Variants in NRXN3 observed in about 807,000 individuals in gnomAD.
NRXN3 encodes the protein neurexin III.
A neutral mutation model predicts 137.6 loss-of-function variants in NRXN3; 32 were observed. The ratio of observed to expected loss-of-function variants is 0.23; its 90% CI spans 0.18 to 0.31. The LOEUF is 0.31. NRXN3 is among the 10% of genes least tolerant of loss of function. The probability of loss-of-function intolerance (pLI) is 1.00; values close to 1 mark genes in which losing one functional copy is unlikely to be tolerated. For missense variants in NRXN3, 1,574 were observed against 2,062.5 expected, an observed-to-expected ratio of 0.76 and a Z score of 4.59; for synonymous variants, 798 against 784.5, an observed-to-expected ratio of 1.02 and a Z score of -0.29.
intron 1 of NRXN3, among the ~76,000 whole-genome samples, chr14:78,238,975 A>G (rs987324): frequency 0.29 from 44,797 of 152,174 alleles, 7,154 homozygotes; most frequent in South Asian, 0.37. Context: ...GTCACTAAGC[A>G]TGTGCTGCTT....
At chr14:79,608,125 T>C (rs952400611) in intron 16 of NRXN3, among the ~76,000 whole-genome samples, 2 of 152,204 alleles carry the variant, frequency 1.3e-5, no homozygotes, top group East Asian at 3.9e-4. Flanking sequence ...CTTTTCAACA[T>C]AGTGCCTGTG....
At chr14:79,705,785 C>A (rs1301767700) in intron 19 of NRXN3, among the ~76,000 whole-genome samples, 5 of 152,150 alleles carry the variant, frequency 3.3e-5, no homozygotes, top group African/African-American at 9.7e-5. Flanking sequence ...ACTCTATCGC[C>A]TTTTCCTGTT....
chr14:79,573,082 G>A (rs2097625491), intron 16 of NRXN3: 1 of 152,160 alleles, frequency 6.6e-6, no homozygotes, highest in African/African-American at 2.4e-5. Flanking sequence ...CTTCTCCCCT[G>A]TGAGAAATTT....
At chr14:78,806,062 T>TTTTTTTTTTTC in intron 9 of NRXN3, among the ~76,000 whole-genome samples, 1 of 138,012 alleles carries the variant, frequency 7.2e-6, no homozygotes. Flanking sequence ...TTTTTTTTTT[T>TTTTTTTTTTTC]CCCCTTTGGC....
chr14:78,184,806 G>A (rs980532445), intron 1 of NRXN3, among the ~76,000 whole-genome samples: 1 of 152,228 alleles, frequency 6.6e-6, no homozygotes, highest in African/African-American at 2.4e-5. Flanking sequence ...CTGGGGAGCT[G>A]AACTAGGGAG....
intron 4 of NRXN3, among the ~76,000 whole-genome samples, chr14:78,550,807 C>T (rs1020250570): frequency 2.0e-5 from 3 of 152,096 alleles, no homozygotes; most frequent in African/African-American, 7.2e-5. Context: ...CCTCCCTGAG[C>T]CTAAGTATAA....
intron 1 of NRXN3, among the ~76,000 whole-genome samples, chr14:78,235,938 G>A (rs2066238327): frequency 6.6e-6 from 1 of 152,234 alleles, no homozygotes; most frequent in African/African-American, 2.4e-5. Flanking sequence ...GCAAAGCATG[G>A]TGGATATTTG....
Position 79,128,929 on chromosome 14 carries a change from T to C in NRXN3, c.3262+140788T>C, listed in dbSNP as rs537728802. On this transcript the variant is annotated intron_variant, in intron 15 of 20. Transcript: ENST00000335750. The stretch of plus-strand genomic sequence containing the variant: ...GGGAGAGTGTATGTGTCGAGGAATT[T>C]ATCCATTTCTTCTAGATTTTCTAGT... Among the ~76,000 whole-genome samples, 224 of 152,244 alleles carry C rather than the reference T, an allele frequency of 1.5e-3. 2 individuals are homozygous for C. Among genetic ancestry groups the C allele is most frequent in the African/African-American group, 5.2e-3 (217 of 41,554 alleles).
chr14:79,581,952 G>T (rs1280020433), intron 16 of NRXN3, among the ~76,000 whole-genome samples: 2 of 152,154 alleles, frequency 1.3e-5, no homozygotes, highest in Non-Finnish European at 2.9e-5. Flanking sequence ...TTGGGGAACA[G>T]GGTTTTACTC....
At chr14:79,555,898 TA>T (rs1362472421) in intron 16 of NRXN3, among the ~76,000 whole-genome samples, 1 of 152,288 alleles carries the variant, frequency 6.6e-6, no homozygotes, top group East Asian at 1.9e-4. Flanking sequence ...ATTGCTCTAC[TA>T]AAATAACCCT....
intron 6 of NRXN3, among the ~76,000 whole-genome samples, chr14:78,660,681 G>A (rs2152679394): frequency 6.6e-6 from 1 of 152,280 alleles, no homozygotes; most frequent in South Asian, 2.1e-4. Context: ...AGGCCTTAGT[G>A]ACATTTTTGA....
chr14:79,568,091 A>G (rs2097566752), intron 16 of NRXN3, among the ~76,000 whole-genome samples: 1 of 152,156 alleles, frequency 6.6e-6, no homozygotes, highest in Non-Finnish European at 1.5e-5. Flanking sequence ...GAAAGTGATG[A>G]GTCAAAAATT....
chr14:78,451,505 G>A (rs372613277), intron 4 of NRXN3, among the ~76,000 whole-genome samples: 10 of 152,304 alleles, frequency 6.6e-5, no homozygotes, highest in Middle Eastern at 3.4e-3. Context: ...AAAAGCAATG[G>A]GCTTGGAACC....
At chr14:79,387,197 T>C (rs910848302) in intron 15 of NRXN3, among the ~76,000 whole-genome samples, 4 of 152,050 alleles carry the variant, frequency 2.6e-5, no homozygotes, top group Non-Finnish European at 4.4e-5. Context: ...TTTTGCAATC[T>C]ACTCATCTGA....
rs1034680414 is a variant in NRXN3 at position 79,867,046 on chromosome 14, ATAGT to A, written c.*5083_*5086del. 2.6e-5 allele frequency: 4 copies of A among 152,236 alleles called. No homozygotes were observed. The highest frequency in any genetic ancestry group is 9.6e-5 in the African/African-American group (4 of 41,470). 9.4% of individuals were successfully genotyped at this position (152,236 alleles called of 1,614,324 possible). On this transcript the variant is annotated 3_prime_UTR_variant, in exon 21 of 21. Coordinates refer to ENST00000335750, the MANE Select transcript of NRXN3 (RefSeq NM_001330195.2). ...TACTATTTTTTCTTTTATTGTTGAA[ATAGT>A]GAGGGCACGTATTTTTCTAATTGTG...
intron 1 of NRXN3, among the ~76,000 whole-genome samples, chr14:78,224,379 C>T (rs561542107): frequency 9.9e-5 from 15 of 152,058 alleles, no homozygotes; most frequent in South Asian, 6.3e-4. Context: ...CACCCATTAA[C>T]GCGTCATTTA....
chr14:78,215,661 G>C (rs2063178332), intron 1 of NRXN3, among the ~76,000 whole-genome samples: 2 of 151,520 alleles, frequency 1.3e-5, no homozygotes, highest in Admixed American at 6.6e-5. Context: ...GTTGGAACTG[G>C]GGAAATAGAC....
intron 20 of NRXN3, among the ~76,000 whole-genome samples, chr14:79,847,267 T>C (rs1262613106): frequency 2.0e-5 from 3 of 152,250 alleles, no homozygotes; most frequent in Non-Finnish European, 4.4e-5. Flanking sequence ...CCTCCAATAA[T>C]GATGAATTCT....
intron 8 of NRXN3, among the ~76,000 whole-genome samples, chr14:78,719,804 T>G (rs186492750): frequency 6.6e-6 from 1 of 152,138 alleles, no homozygotes; most frequent in African/African-American, 2.4e-5. Context: ...ATCATGCAGT[T>G]GCACTCCAGC....
Sources: gnomAD v4.1 joint callset for allele counts (sites outside exome capture counted in the v4.1 genomes callset) on GRCh38, gnomAD v4.1.1 for gene constraint, MANE v1.5 for transcripts, NCBI Gene and HGNC (gene_info 2026-07-23, HGNC 2026-07-21) for gene names.